Variants in TANK observed in about 807,000 individuals in gnomAD.
TANK encodes TRAF family member associated NFKB activator.
Under a neutral mutation model 43.6 loss-of-function variants are expected in TANK, and 15 were observed. That is an observed-to-expected ratio of 0.34 (90% CI 0.23 to 0.53). TANK has a LOEUF of 0.53. Among genes scored for constraint, TANK ranks in the 20% least tolerant of loss-of-function variants. The pLI, the probability that TANK is intolerant of heterozygous loss-of-function variation, is 0.94. For missense variants in TANK, 417 were observed against 498.6 expected, an observed-to-expected ratio of 0.84 and a Z score of 1.56; for synonymous variants, 162 against 178.2, an observed-to-expected ratio of 0.91 and a Z score of 0.73.
chr2:161,147,342 C>CGT (rs1683943189), intron 1 of TANK, among the ~76,000 whole-genome samples: 1 of 152,184 alleles, frequency 6.6e-6, no homozygotes, highest in African/African-American at 2.4e-5. Context: ...AGCTGTGGTG[C>CGT]TGACTGCCCC....
intron 1 of TANK, among the ~76,000 whole-genome samples, chr2:161,144,975 G>C (rs1178280501): frequency 6.6e-6 from 1 of 151,982 alleles, no homozygotes; most frequent in African/African-American, 2.4e-5. Context: ...ATGAATCTGG[G>C]TGCTCCTGTA....
chr2:161,185,505 G>A (rs1362137974), intron 2 of TANK, among the ~76,000 whole-genome samples: 11 of 150,866 alleles, frequency 7.3e-5, no homozygotes, highest in Non-Finnish European at 1.5e-4. Flanking sequence ...TCTTTTTTTG[G>A]ATGAATGAAA....
chr2:161,192,729 A>G (rs550613180), intron 2 of TANK, among the ~76,000 whole-genome samples: 2 of 152,352 alleles, frequency 1.3e-5, no homozygotes, highest in African/African-American at 4.8e-5. Flanking sequence ...AGAAAGGAAA[A>G]TTAACATTTA....
intron 4 of TANK, among the ~76,000 whole-genome samples, chr2:161,222,317 A>G (rs545377164): frequency 6.6e-6 from 1 of 152,202 alleles, no homozygotes; most frequent in East Asian, 1.9e-4. Flanking sequence ...CAGTGGTACA[A>G]TCTTGGCTCA....
chr2:161,158,310 CAAAT>C (rs1196261583), upstream of TANK, among the ~76,000 whole-genome samples: 1 of 152,194 alleles, frequency 6.6e-6, no homozygotes, highest in Admixed American at 6.5e-5. Context: ...GATTATTCCT[CAAAT>C]AAATGTCAAC....
Position 161,204,789 on chromosome 2 carries a change from C to T in TANK, c.323C>T (p.Pro108Leu). Residue 108 changes from proline (P) to leucine (L), a missense_variant, in exon 4 of 8, where the codon CCA becomes CTA. Pro to Leu is a moderately conservative substitution (Grantham distance 98). Coordinates refer to ENST00000392749, the MANE Select transcript of TANK (RefSeq NM_001199135.3). ...VISGIAREKLPKVRRQEVSSP... is the reference protein window; with the variant it reads ...VISGIAREKLLKVRRQEVSSP... ...TCAGGAATAGCAAGAGAAAAACTAC[C>T]AAAGGTAGACATTGCTTCTGCAGAA... is the stretch of plus-strand genomic sequence containing the variant. 1 of 1,604,320 alleles carries T rather than the reference C, an allele frequency of 6.2e-7. No homozygotes were observed. Among genetic ancestry groups the T allele is most frequent in the Non-Finnish European group, 8.5e-7 (1 of 1,177,102 alleles).
chr2:161,176,857 A>T (rs1211505753), intron 1 of TANK, among the ~76,000 whole-genome samples: 1 of 152,090 alleles, frequency 6.6e-6, no homozygotes, highest in Admixed American at 6.6e-5. Flanking sequence ...ATTTTTCATG[A>T]CATGCAGCTT....
At chr2:161,159,731 G>A (rs28365919), upstream of TANK, among the ~76,000 whole-genome samples, 6,278 of 152,160 alleles carry the variant, frequency 0.041, 276 homozygotes, top group East Asian at 0.19. Flanking sequence ...TCTTTCTTGC[G>A]GTATCTAAGA....
chr2:161,192,719 A>G (rs1434563147), intron 2 of TANK, among the ~76,000 whole-genome samples: 1 of 152,228 alleles, frequency 6.6e-6, no homozygotes, highest in Admixed American at 6.5e-5. Context: ...TTCATAAATA[A>G]GAAAGGAAAA....
rs963888876 is a variant in TANK, at chr2:161,224,727, T to C, written c.501T>C (p.Asn167=). 6.4e-7 allele frequency: 1 copy of C among 1,553,682 alleles called. No homozygotes were observed. Among genetic ancestry groups the C allele is most frequent in the Non-Finnish European group, 8.7e-7 (1 of 1,147,484 alleles). The change falls in exon 6 of 8, where the codon AAT becomes AAC. Residue 167 remains asparagine, a synonymous_variant. Transcript: ENST00000392749. ...KAQKDHLSKL[N]IPDTATETQC... is the part of the protein sequence containing the mutation. The stretch of plus-strand genomic sequence containing the variant: ...AGAAAGACCACTTAAGCAAACTTAA[T>C]ATACCAGACACTGCAACTGGTAAGA...
intron 6 of TANK, among the ~76,000 whole-genome samples, chr2:161,229,446 A>G (rs2105401634): frequency 6.6e-6 from 1 of 152,334 alleles, no homozygotes; most frequent in East Asian, 1.9e-4. Context: ...GTTGCAGTGA[A>G]GAGAACAGAT....
At chr2:161,181,439 C>CA (rs71408164) in intron 2 of TANK, among the ~76,000 whole-genome samples, 1,540 of 151,020 alleles carry the variant, frequency 0.01, 10 homozygotes, top group Non-Finnish European at 0.016. Flanking sequence ...ACAACAACAA[C>CA]AAAAAAAAAC....
chr2:161,192,534 G>GC (rs1275577739), intron 2 of TANK, among the ~76,000 whole-genome samples: 1 of 151,588 alleles, frequency 6.6e-6, no homozygotes, highest in Non-Finnish European at 1.5e-5. Flanking sequence ...CTGTTAAATT[G>GC]TTTTTTTTAG....
upstream of TANK, among the ~76,000 whole-genome samples, chr2:161,155,716 T>C (rs999166521): frequency 6.6e-6 from 1 of 152,214 alleles, no homozygotes; most frequent in African/African-American, 2.4e-5. Flanking sequence ...ATAACTTAGA[T>C]ACCAGAAGCC....
intron 4 of TANK, chr2:161,212,385 A>G (rs1208028023): frequency 1.0e-6 from 1 of 984,648 alleles, no homozygotes; most frequent in Non-Finnish European, 1.2e-6. Flanking sequence ...TAAGAAAACA[A>G]ATATTGATAT....
intron 1 of TANK, among the ~76,000 whole-genome samples, chr2:161,147,718 T>TTTTTTTTTTTTTTTTTTGA (rs1558958687): frequency 2.0e-5 from 3 of 152,160 alleles, no homozygotes; most frequent in African/African-American, 7.2e-5. Context: ...TAGTCCTTTT[T>TTTTTTTTTTTTTTTTTTGA]GATGGGAGCC....
intron 4 of TANK, among the ~76,000 whole-genome samples, chr2:161,205,643 T>C (rs1357690027): frequency 4.6e-5 from 7 of 152,118 alleles, no homozygotes; most frequent in Non-Finnish European, 7.4e-5. Context: ...AATAATAGAA[T>C]AGTCCATCTT....
intron 2 of TANK, among the ~76,000 whole-genome samples, chr2:161,200,873 G>T (rs1368586111): frequency 6.6e-6 from 1 of 151,862 alleles, no homozygotes; most frequent in African/African-American, 2.4e-5. Context: ...CAGAGCAGCA[G>T]CATGGGTTGC....
At chr2:161,151,975 G>C (rs1684093153) in intron 1 of TANK, among the ~76,000 whole-genome samples, 1 of 151,946 alleles carries the variant, frequency 6.6e-6, no homozygotes, top group South Asian at 2.1e-4. Context: ...TACCATGTGA[G>C]TTACAATTAA....
Sources: gnomAD v4.1 joint callset for allele counts (sites outside exome capture counted in the v4.1 genomes callset) on GRCh38, gnomAD v4.1.1 for gene constraint, MANE v1.5 for transcripts, NCBI Gene and HGNC (gene_info 2026-07-23, HGNC 2026-07-21) for gene names.